ANP32B: variants seen among roughly 807,000 people sequenced by gnomAD.
ANP32B encodes acidic leucine-rich nuclear phosphoprotein 32 family member B.
Under a neutral mutation model 32.2 loss-of-function variants are expected in ANP32B, and 6 were observed. The observed-to-expected ratio is 0.19, with a 90% CI of 0.10 to 0.37. The LOEUF is 0.37. Among genes scored for constraint, ANP32B ranks in the 10% least tolerant of loss-of-function variants. ANP32B has a pLI of 1.00. For synonymous variants in ANP32B, 98 were observed against 105.8 expected (o/e 0.93, Z 0.45); for missense variants, 204 against 289.2 (o/e 0.71, Z 2.14).
intron 1 of ANP32B, among the ~76,000 whole-genome samples, chr9:97,985,254 G>A (rs1043738286): frequency 6.6e-6 from 1 of 152,066 alleles, no homozygotes; most frequent in Non-Finnish European, 1.5e-5. Flanking sequence ...GGAATTCGTC[G>A]ACCAGGGTTT....
intron 1 of ANP32B, among the ~76,000 whole-genome samples, chr9:97,991,069 G>A (rs1310195605): frequency 6.6e-6 from 1 of 151,140 alleles, no homozygotes; most frequent in East Asian, 2.0e-4. Context: ...TGATCTGCCC[G>A]CCTCAGCCTC....
intron 2 of ANP32B, among the ~76,000 whole-genome samples, chr9:97,995,015 C>T (rs1165283591): frequency 6.6e-6 from 1 of 152,150 alleles, no homozygotes; most frequent in Non-Finnish European, 1.5e-5. Flanking sequence ...CTTGACCTTG[C>T]AGAATTGCTG....
rs560588236 is a variant in ANP32B at position 98,005,984 on chromosome 9, A to G, written c.517+831A>G. Among the ~76,000 whole-genome samples, 5 of 152,274 alleles carry G rather than the reference A, an allele frequency of 3.3e-5. No homozygotes were observed. The South Asian group carries it at 6.2e-4, about 19-fold the overall frequency. On this transcript the variant is annotated intron_variant, in intron 4 of 6. Coordinates refer to ENST00000339399, the MANE Select transcript of ANP32B (RefSeq NM_006401.3). ...CTGGGCTCCACCTCCTGTCAGATCA[A>G]TGGTGGTATTAGATTCTCATAGGAA... is the stretch of plus-strand genomic sequence containing the variant.
chr9:98,003,122 A>G (rs1828022055), intron 3 of ANP32B, among the ~76,000 whole-genome samples: 1 of 152,218 alleles, frequency 6.6e-6, no homozygotes, highest in African/African-American at 2.4e-5. Context: ...ATACAAAAGC[A>G]GCTCTATGAC....
rs149983871 is a variant in ANP32B, at chr9:97,991,448, T to C, written c.55-3183T>C. Among the ~76,000 whole-genome samples, 200 of 152,278 alleles carry C rather than the reference T, an allele frequency of 1.3e-3. 2 individuals are homozygous for C. Among genetic ancestry groups the C allele is most frequent in the African/African-American group, 4.5e-3 (185 of 41,564 alleles). On this transcript the variant is annotated intron_variant, in intron 1 of 6. Transcript: ENST00000339399. ...TTTTTTTTAGTGTTGGCTATTTGTGTCTTTTAGAGCTTGTCTGTCCTTCGT... is the reference window on the plus strand; with the variant it reads ...TTTTTTTTAGTGTTGGCTATTTGTGCCTTTTAGAGCTTGTCTGTCCTTCGT...
chr9:98,012,412 ATTC>A lies in ANP32B; in HGVS notation c.637-6_637-4del, dbSNP rs746724696. On this transcript the variant is annotated splice_region_variant and splice_polypyrimidine_tract_variant and intron_variant, in intron 5 of 6. Transcript: ENST00000339399. Reference sequence around the variant, plus strand: ...TTAATTTAATGTTATGCTGTTTGCTATTCTTTAGGAAGAAGAATTTGGACTTGA... The same window carrying A: ...TTAATTTAATGTTATGCTGTTTGCTATTTAGGAAGAAGAATTTGGACTTGA... The A allele has an allele frequency of 1.1e-5, 18 of 1,611,856 alleles. No individual in the cohort carries two copies. The highest frequency in any genetic ancestry group is 1.1e-5 in the South Asian group (1 of 90,492).
chr9:97,992,340 T>A (rs1386111650), intron 1 of ANP32B, among the ~76,000 whole-genome samples: 1 of 152,186 alleles, frequency 6.6e-6, no homozygotes, highest in East Asian at 1.9e-4. Flanking sequence ...CCGCCCGCCT[T>A]GACCTCCCAG....
In ANP32B at chr9:97,991,985, G is replaced by A. The variant is rs528943846; in HGVS notation, c.55-2646G>A. ...CAATATTGCTGACAAACCTGTGACC[G>A]TTTTTTTCCTCATTCCGCAGTTATG... On this transcript the variant is annotated intron_variant, in intron 1 of 6. Transcript: ENST00000339399. Among the ~76,000 whole-genome samples, 9 of 152,264 alleles carry A rather than the reference G, an allele frequency of 5.9e-5. No homozygotes were observed. In the South Asian group the frequency reaches 1.0e-3, roughly 18 times the overall value.
At chr9:97,994,498 G>A in intron 1 of ANP32B, 133 bp from the exon 2 acceptor site, 1 of 753,808 alleles carries the variant, frequency 1.3e-6, no homozygotes, top group Non-Finnish European at 2.1e-6. Flanking sequence ...TTATAACTAT[G>A]ATCTAGGTCT....
At chr9:98,004,258 G>T (rs1378406531) in intron 3 of ANP32B, among the ~76,000 whole-genome samples, 1 of 152,106 alleles carries the variant, frequency 6.6e-6, no homozygotes, top group East Asian at 1.9e-4. Context: ...AAATTTCAAG[G>T]TATGGTAAAT....
intron 4 of ANP32B, chr9:98,005,376 G>A (rs1828062729): frequency 3.1e-6 from 1 of 323,948 alleles, no homozygotes; most frequent in East Asian, 7.2e-5. Flanking sequence ...TTAGCCAGGT[G>A]TGGTGGCGCA....
chr9:97,990,814 C>CT (rs34489949), intron 1 of ANP32B, among the ~76,000 whole-genome samples: 6,298 of 98,816 alleles, frequency 0.064, 261 homozygotes, highest in Non-Finnish European at 0.067. Flanking sequence ...ACAGTTGAAC[C>CT]TTTTTTTTTT....
At chr9:98,004,788 A>G in intron 3 of ANP32B, 176 bp from the exon 4 acceptor site, 2 of 466,332 alleles carry the variant, frequency 4.3e-6, no homozygotes, top group Non-Finnish European at 3.8e-6. Flanking sequence ...GAGAGGGACT[A>G]AAGTCTAGTA....
chr9:97,983,726 T>C, intron 1 of ANP32B, 117 bp downstream of exon 1: 2 of 763,960 alleles, frequency 2.6e-6, no homozygotes, highest in Admixed American at 8.4e-5. Flanking sequence ...GCGCAGCTCG[T>C]GGGCTCGGAC....
intron 1 of ANP32B, among the ~76,000 whole-genome samples, chr9:97,992,416 T>G (rs537480988): frequency 6.6e-6 from 1 of 152,306 alleles, no homozygotes; most frequent in South Asian, 2.1e-4. Context: ...AACCTGCATT[T>G]GAGTCCTGTG....
At chr9:98,008,033 G>T (rs373614055) in intron 4 of ANP32B, among the ~76,000 whole-genome samples, 1 of 151,902 alleles carries the variant, frequency 6.6e-6, no homozygotes, top group Non-Finnish European at 1.5e-5. Context: ...AAGTTCAGGG[G>T]TACATGTGCA....
intron 4 of ANP32B, 36 bp downstream of exon 4, chr9:98,005,189 G>C (rs1587878367): frequency 6.3e-7 from 1 of 1,585,838 alleles, no homozygotes; most frequent in Middle Eastern, 1.7e-4. Flanking sequence ...CCTGATGTCT[G>C]CCTTTCAAAG....
In ANP32B at chr9:98,006,239, G is replaced by A. The variant is rs77493384; in HGVS notation, c.517+1086G>A. 3.2e-3 allele frequency among the ~76,000 whole-genome samples: 489 copies of A among 152,310 alleles called. 4 individuals carry two copies. Among genetic ancestry groups the A allele is most frequent in the African/African-American group, 0.011 (470 of 41,570 alleles). On this transcript the variant is annotated intron_variant, in intron 4 of 6. Coordinates refer to ENST00000339399, the MANE Select transcript of ANP32B (RefSeq NM_006401.3). The stretch of plus-strand genomic sequence containing the variant: ...TGCAGACTCATCAACCCCTATCTGT[G>A]AGTGGCAAGTGACAAGCTGCATCTG...
intron 1 of ANP32B, chr9:97,986,847 C>T (rs1417276880): frequency 1.3e-5 from 2 of 152,176 alleles, no homozygotes; most frequent in East Asian, 1.9e-4. Flanking sequence ...CATGGTTGAC[C>T]TTAATGATTT....
Sources: gnomAD v4.1 joint callset for allele counts (sites outside exome capture counted in the v4.1 genomes callset) on GRCh38, gnomAD v4.1.1 for gene constraint, MANE v1.5 for transcripts, NCBI Gene and HGNC (gene_info 2026-07-23, HGNC 2026-07-21) for gene names.